BUD23: variants seen among roughly 807,000 people sequenced by gnomAD.
The protein encoded by BUD23 is BUD23 rRNA methyltransferase and ribosome maturation factor, also known as 18S rRNA (guanine-N(7))-methyltransferase.
In BUD23, 34 loss-of-function variants were observed where a neutral mutation model predicts 47.0. The observed-to-expected ratio is 0.72, with a 90% CI of 0.55 to 0.96. BUD23 has a LOEUF of 0.96. Among genes scored for constraint, BUD23 ranks in the 40% least tolerant of loss-of-function variants. The probability of loss-of-function intolerance (pLI) is 0.00; values close to 1 mark genes in which losing one functional copy is unlikely to be tolerated. For missense variants in BUD23, 343 were observed against 361.2 expected, an observed-to-expected ratio of 0.95 and a Z score of 0.41; for synonymous variants, 124 against 132.0, an observed-to-expected ratio of 0.94 and a Z score of 0.41.
intron 2 of BUD23, among the ~76,000 whole-genome samples, chr7:73,684,325 G>C (rs1554612419): frequency 6.6e-6 from 1 of 151,880 alleles, no homozygotes; most frequent in African/African-American, 2.4e-5. Context: ...AGGATCGCTT[G>C]AGCTCAGGGG....
chr7:73,694,068 G>C lies in BUD23; in HGVS notation c.701+18G>C. ...AATGAGAGGTAAAGCAACTGCTGAA[G>C]CCTGCCCCGGCTGCAGCGGGGGCTG... On this transcript the variant is annotated intron_variant, in intron 10 of 11. Transcript: ENST00000265758. 6.3e-7 allele frequency: 1 copy of C among 1,598,138 alleles called. No homozygotes were observed. Among genetic ancestry groups the C allele is most frequent in the Non-Finnish European group, 8.5e-7 (1 of 1,175,892 alleles).
intron 5 of BUD23, among the ~76,000 whole-genome samples, chr7:73,689,222 G>A (rs922758216): frequency 2.6e-5 from 4 of 152,098 alleles, no homozygotes; most frequent in Non-Finnish European, 5.9e-5. Context: ...GCTAATTTTT[G>A]TATTTTAGTA....
chr7:73,696,103 G>A (rs1202495158), intron 10 of BUD23: 1 of 152,230 alleles, frequency 6.6e-6, no homozygotes, highest in Non-Finnish European at 1.5e-5. Context: ...CAGTTGACAT[G>A]AGGGAAAGGT....
Position 73,687,379 on chromosome 7 carries a change from C to T in BUD23, c.362+284C>T, listed in dbSNP as rs377044322. ...GCAGCCTTCGCCTCCCAGGCTCAAG[C>T]GATTCTCCTGCCTCAGCCTCCCAAG... On this transcript the variant is annotated intron_variant, in intron 5 of 11. Transcript: ENST00000265758. Among the ~76,000 whole-genome samples, 60 of 152,228 alleles carry T rather than the reference C, an allele frequency of 3.9e-4. 1 individual carries two copies. Among genetic ancestry groups the T allele is most frequent in the African/African-American group, 1.3e-3 (53 of 41,560 alleles).
intron 2 of BUD23, among the ~76,000 whole-genome samples, chr7:73,684,198 GTAT>G (rs1195385852): frequency 2.0e-5 from 3 of 152,066 alleles, no homozygotes; most frequent in African/African-American, 7.2e-5. Flanking sequence ...AGCAGTTGGT[GTAT>G]TATTGTCTGA....
chr7:73,698,136 GGA>G lies in BUD23; in HGVS notation c.*251_*252del, dbSNP rs1798506422. On this transcript the variant is annotated 3_prime_UTR_variant, in exon 12 of 12. Coordinates refer to ENST00000265758, the MANE Select transcript of BUD23 (RefSeq NM_017528.5). ...CATAATGAAACTTCCTTTCCAGGGA[GGA>G]AAAAAAAAAAAAAAAAAAGCTCTGA... The G allele has an allele frequency of 5.4e-4, 59 of 109,348 alleles. 4 individuals are homozygous for G. Among genetic ancestry groups the G allele is most frequent in the East Asian group, 1.7e-3 (9 of 5,418 alleles). The allele number at this position is 109,348 out of a possible 1,614,324, so 6.8% of individuals were successfully genotyped here.
intron 1 of BUD23, 35 bp from the exon 2 acceptor site, chr7:73,683,732 T>C (rs1797816874): frequency 1.2e-6 from 2 of 1,614,090 alleles, no homozygotes; most frequent in East Asian, 4.5e-5. Context: ...CGCGTCTGAA[T>C]TATTCCTCTA....
chr7:73,687,441 T>C (rs1744937559), intron 5 of BUD23, among the ~76,000 whole-genome samples: 2 of 152,130 alleles, frequency 1.3e-5, no homozygotes, highest in Non-Finnish European at 2.9e-5. Context: ...CACACCCAAC[T>C]AATTTTTGTA....
chr7:73,698,142 A>G lies in BUD23; in HGVS notation c.*256A>G. ...GAAACTTCCTTTCCAGGGAGGAAAA[A>G]AAAAAAAAAAAAAAGCTCTGAGAGC... On this transcript the variant is annotated 3_prime_UTR_variant, in exon 12 of 12. Coordinates refer to ENST00000265758, the MANE Select transcript of BUD23 (RefSeq NM_017528.5). 3.3e-6 allele frequency: 1 copy of G among 303,762 alleles called. No homozygotes were observed. Among genetic ancestry groups the G allele is most frequent in the African/African-American group, 2.2e-5 (1 of 45,770 alleles). 18.8% of individuals were successfully genotyped at this position (303,762 alleles called of 1,614,324 possible).
intron 6 of BUD23, 131 bp downstream of exon 6, chr7:73,691,143 C>T (rs1430425971): frequency 1.2e-5 from 9 of 739,988 alleles, no homozygotes; most frequent in Non-Finnish European, 2.1e-5. Context: ...GTGGCAGGAC[C>T]TTACTGTGGT....
At chr7:73,683,995 G>T (rs1797837997) in intron 2 of BUD23, 191 bp downstream of exon 2, 3 of 1,468,164 alleles carry the variant, frequency 2.0e-6, no homozygotes, top group Admixed American at 2.6e-5. Flanking sequence ...GTACCTCAGC[G>T]TTGAGGTAGG....
intron 9 of BUD23, 23 bp from the exon 10 acceptor site, chr7:73,693,969 T>C (rs1554614475): frequency 6.2e-7 from 1 of 1,612,072 alleles, no homozygotes. Flanking sequence ...CAGGGTGACC[T>C]GAGTGCACTT....
intron 5 of BUD23, among the ~76,000 whole-genome samples, chr7:73,690,665 G>A (rs2116689114): frequency 6.6e-6 from 1 of 152,226 alleles, no homozygotes; most frequent in East Asian, 1.9e-4. Flanking sequence ...AGTAAAGATG[G>A]GGTCTTGCTA....
intron 6 of BUD23, among the ~76,000 whole-genome samples, chr7:73,691,780 T>G (rs1302652831): frequency 1.3e-5 from 2 of 152,030 alleles, no homozygotes; most frequent in Non-Finnish European, 2.9e-5. Flanking sequence ...TTTACTTTTT[T>G]TTTTTTAAGA....
At position 73,692,579 on chromosome 7, in the gene BUD23, G is replaced by T. The variant is rs782124197; in HGVS notation, c.460-17G>T. Reference sequence around the variant, plus strand: ...ATGCAGTCATTTGTAAGACAGTGATGTTCCTGTTTCTTTCAGGTCCGGGGA... The same window carrying T: ...ATGCAGTCATTTGTAAGACAGTGATTTTCCTGTTTCTTTCAGGTCCGGGGA... On this transcript the variant is annotated splice_polypyrimidine_tract_variant and intron_variant, in intron 6 of 11. Coordinates refer to ENST00000265758, the MANE Select transcript of BUD23 (RefSeq NM_017528.5). 28 of 1,613,304 alleles carry T rather than the reference G, an allele frequency of 1.7e-5. No individual in the cohort carries two copies. The highest frequency in any genetic ancestry group is 2.4e-5 in the Non-Finnish European group (28 of 1,179,310).
rs781951178 is a variant in BUD23 at position 73,683,786 on chromosome 7, C to T, written c.68C>T (p.Ala23Val). ...TCGCAGTTTTATGACGAGACAGAAG[C>T]CCGGAAATACGTTCGCAAGTGAGGG... ...PPELFYDETE[A>V]RKYVRNSRMI... The change falls in exon 2 of 12, where the codon GCC becomes GTC. Residue 23 changes from alanine to valine, a missense_variant. Ala to Val is a moderately conservative substitution (Grantham distance 64). Transcript: ENST00000265758. 1.9e-6 allele frequency: 3 copies of T among 1,614,144 alleles called. No individual in the cohort carries two copies. The highest frequency in any genetic ancestry group is 2.5e-6 in the Non-Finnish European group (3 of 1,180,038).
rs782150833 is a variant in BUD23, at chr7:73,683,800, C to T, written c.82C>T (p.Arg28Cys). Reference sequence around the variant, plus strand: ...CGAGACAGAAGCCCGGAAATACGTTCGCAAGTGAGGGGAGCCTGAATACTG... The same window carrying T: ...CGAGACAGAAGCCCGGAAATACGTTTGCAAGTGAGGGGAGCCTGAATACTG... Reference protein sequence around the residue: ...YDETEARKYVRNSRMIDIQTR... With the variant: ...YDETEARKYVCNSRMIDIQTR... Residue 28 changes from arginine to cysteine, a missense_variant, in exon 2 of 12, where the codon CGC becomes TGC. Coordinates refer to ENST00000265758, the MANE Select transcript of BUD23 (RefSeq NM_017528.5). 57 of 1,614,024 alleles carry T rather than the reference C, an allele frequency of 3.5e-5. No individual in the cohort carries two copies. The Admixed American group carries it at 8.5e-4, about 24-fold the overall frequency.
rs781887996 is a variant in BUD23 at position 73,692,582 on chromosome 7, C to G, written c.460-14C>G. The stretch of plus-strand genomic sequence containing the variant: ...CAGTCATTTGTAAGACAGTGATGTT[C>G]CTGTTTCTTTCAGGTCCGGGGATCC... On this transcript the variant is annotated splice_polypyrimidine_tract_variant and intron_variant, in intron 6 of 11. Coordinates refer to ENST00000265758, the MANE Select transcript of BUD23 (RefSeq NM_017528.5). 6.2e-7 allele frequency: 1 copy of G among 1,613,326 alleles called. No individual in the cohort carries two copies. Among genetic ancestry groups the G allele is most frequent in the Admixed American group, 1.7e-5 (1 of 59,984 alleles).
intron 5 of BUD23, among the ~76,000 whole-genome samples, chr7:73,687,826 T>G (rs1798035306): frequency 6.6e-6 from 1 of 152,112 alleles, no homozygotes; most frequent in African/African-American, 2.4e-5. Context: ...GTGTATTTTT[T>G]TGGATTCTAA....
Sources: gnomAD v4.1 joint callset for allele counts (sites outside exome capture counted in the v4.1 genomes callset) on GRCh38, gnomAD v4.1.1 for gene constraint, MANE v1.5 for transcripts, NCBI Gene and HGNC (gene_info 2026-07-23, HGNC 2026-07-21) for gene names.